Variants in RACGAP1 observed in about 807,000 individuals in gnomAD.
The protein encoded by RACGAP1 is Rac GTPase activating protein 1.
Under a neutral mutation model 78.1 loss-of-function variants are expected in RACGAP1, and 30 were observed. The ratio of observed to expected loss-of-function variants is 0.38; its 90% CI spans 0.29 to 0.52. The LOEUF (loss-of-function observed/expected upper bound fraction) is 0.52. Among genes scored for constraint, RACGAP1 ranks in the 20% least tolerant of loss-of-function variants. The pLI is 0.82. For synonymous variants in RACGAP1, 231 were observed against 264.8 expected (o/e 0.87, Z 1.24); for missense variants, 587 against 777.1 (o/e 0.76, Z 2.91).
At chr12:50,033,355 G>A (rs1233191913), upstream of RACGAP1, among the ~76,000 whole-genome samples, 1 of 152,116 alleles carries the variant, frequency 6.6e-6, no homozygotes, top group Non-Finnish European at 1.5e-5. Flanking sequence ...GGTCCAGGGA[G>A]GGAGGGCCCA....
chr12:50,018,447 C>A (rs1194961389), intron 1 of RACGAP1: 1 of 959,658 alleles, frequency 1.0e-6, no homozygotes, highest in East Asian at 6.3e-5. Flanking sequence ...AGCATTAAAA[C>A]CGGCAGGAAG....
In RACGAP1 at chr12:49,990,260, A is replaced by G. The variant is rs1220774905; in HGVS notation, c.*8T>C. On this transcript the variant is annotated 3_prime_UTR_variant, in exon 17 of 17. Coordinates refer to ENST00000312377, the MANE Select transcript of RACGAP1 (RefSeq NM_001319999.2). ...GTCAATGCTGGGAAGTAACAGGCAG[A>G]TGTGACTTCACTTGAGCATTGGAGA... 1 of 1,608,434 alleles carries G rather than the reference A, an allele frequency of 6.2e-7. No individual in the cohort carries two copies. The highest frequency in any genetic ancestry group is 1.1e-5 in the South Asian group (1 of 90,980).
chr12:49,999,113 A>G lies in RACGAP1; in HGVS notation c.879+28T>C, dbSNP rs531449517. On this transcript the variant is annotated intron_variant, in intron 9 of 16. Coordinates refer to ENST00000312377, the MANE Select transcript of RACGAP1 (RefSeq NM_001319999.2). ...TTATTACTTTCACAATTAAAAAATTAAAACACAAACAACAATCACAGATTT... is the reference window on the plus strand; with the variant it reads ...TTATTACTTTCACAATTAAAAAATTGAAACACAAACAACAATCACAGATTT... 2.6e-6 allele frequency: 4 copies of G among 1,562,004 alleles called. No individual in the cohort carries two copies. In the African/African-American group the frequency reaches 5.5e-5, roughly 22 times the overall value.
Position 49,989,496 on chromosome 12 carries a change from G to A in RACGAP1, c.*772C>T, listed in dbSNP as rs566098517. Reference sequence around the variant, plus strand: ...TAGAAGTTGGGCTCCACTGGACAAGGTTGGGGGTATGGGGGCCAAGCATCA... The same window carrying A: ...TAGAAGTTGGGCTCCACTGGACAAGATTGGGGGTATGGGGGCCAAGCATCA... On this transcript the variant is annotated 3_prime_UTR_variant, in exon 17 of 17. Coordinates refer to ENST00000312377, the MANE Select transcript of RACGAP1 (RefSeq NM_001319999.2). The A allele has an allele frequency of 2.0e-5, 3 of 152,162 alleles. No homozygotes were observed. Among genetic ancestry groups the A allele is most frequent in the Non-Finnish European group, 2.9e-5 (2 of 68,040 alleles). The allele number at this position is 152,162 out of a possible 1,614,324, so 9.4% of individuals were successfully genotyped here. A position where few individuals can be genotyped will look rare whatever the true frequency, so the allele number is the denominator to read the frequency against.
chr12:49,994,162 A>C lies in RACGAP1; in HGVS notation c.1308T>G (p.Phe436Leu). ...CTTCCATAAAGGCTCTGTTAAGGCG[A>C]AAGGTCAGAAGAGGTTCTTTGAGGT... ...LRNLKEPLLTFRLNRAFMEAA... is the reference protein window; with the variant it reads ...LRNLKEPLLTLRLNRAFMEAA... The change falls in exon 12 of 17, where the codon TTT (phenylalanine) becomes TTG (leucine). Residue 436 changes from phenylalanine (F) to leucine (L), a missense_variant. By Grantham distance (22) the Phe-to-Leu change is conservative. Coordinates refer to ENST00000312377, the MANE Select transcript of RACGAP1 (RefSeq NM_001319999.2). 1 of 1,613,346 alleles carries C rather than the reference A, an allele frequency of 6.2e-7. No individual in the cohort carries two copies. Among genetic ancestry groups the C allele is most frequent in the East Asian group, 2.2e-5 (1 of 44,890 alleles).
rs1948982921 is a variant in RACGAP1, at chr12:50,006,481, C to T, written c.241G>A (p.Val81Ile). The T allele has an allele frequency of 6.2e-7, 1 of 1,614,204 alleles. No homozygotes were observed. The highest frequency in any genetic ancestry group is 2.2e-5 in the East Asian group (1 of 44,890). Residue 81 changes from valine to isoleucine, a missense_variant, in exon 3 of 17, where the codon GTA (valine) becomes ATA (isoleucine). By Grantham distance (29) the Val-to-Ile change is conservative. Coordinates refer to ENST00000312377, the MANE Select transcript of RACGAP1 (RefSeq NM_001319999.2). ...KLKHARNQVD[V>I]EIKRRQRAEA... ...GCTCTCTGTCTCCGTTTGATCTCTA[C>T]ATCCACCTGATTACGTGCATGCTTC...
chr12:50,011,120 T>C (rs1949296592), intron 2 of RACGAP1, among the ~76,000 whole-genome samples: 1 of 151,852 alleles, frequency 6.6e-6, no homozygotes, highest in African/African-American at 2.4e-5. Flanking sequence ...GTGGATCACT[T>C]GAGGTCAGGA....
chr12:50,024,511 G>A (rs1376348504), intron 1 of RACGAP1, among the ~76,000 whole-genome samples: 3 of 152,154 alleles, frequency 2.0e-5, no homozygotes, highest in Non-Finnish European at 2.9e-5. Context: ...CAAAAGATGG[G>A]AAGGTGGAGG....
At chr12:50,026,706 G>A (rs1186151559), upstream of RACGAP1, among the ~76,000 whole-genome samples, 1 of 152,078 alleles carries the variant, frequency 6.6e-6, no homozygotes, top group Non-Finnish European at 1.5e-5. Context: ...TTTTATTTTA[G>A]AGACAGGGTC....
chr12:50,028,946 A>C (rs1950305082), upstream of RACGAP1, among the ~76,000 whole-genome samples: 1 of 151,508 alleles, frequency 6.6e-6, no homozygotes, highest in Non-Finnish European at 1.5e-5. Flanking sequence ...GGCCGGGCAC[A>C]GTGGCTCATG....
chr12:50,020,836 G>A (rs1949968792), intron 1 of RACGAP1, among the ~76,000 whole-genome samples: 1 of 152,160 alleles, frequency 6.6e-6, no homozygotes, highest in African/African-American at 2.4e-5. Context: ...TGCTTCTGAA[G>A]AGTTATTTTT....
intron 16 of RACGAP1, 103 bp from the exon 17 acceptor site, chr12:49,990,446 A>G (rs538588140): frequency 1.9e-6 from 2 of 1,074,622 alleles, no homozygotes; most frequent in African/African-American, 3.2e-5. Flanking sequence ...AGGAAACCCT[A>G]GACAACTATT....
chr12:50,014,228 AT>A (rs1669735049), intron 2 of RACGAP1, among the ~76,000 whole-genome samples: 1 of 152,264 alleles, frequency 6.6e-6, no homozygotes, highest in Non-Finnish European at 1.5e-5. Flanking sequence ...TAAATTAGGT[AT>A]TAATGAAAAT....
At chr12:50,021,363 G>A (rs1226563851) in intron 1 of RACGAP1, among the ~76,000 whole-genome samples, 4 of 152,226 alleles carry the variant, frequency 2.6e-5, no homozygotes, top group African/African-American at 7.2e-5. Flanking sequence ...AATCTCAGCT[G>A]TTATTGATGG....
At chr12:50,023,429 T>C (rs985635670) in intron 1 of RACGAP1, among the ~76,000 whole-genome samples, 3 of 152,200 alleles carry the variant, frequency 2.0e-5, no homozygotes, top group African/African-American at 7.2e-5. Context: ...ACTTAAGAAA[T>C]ACCTATTGAA....
At chr12:50,017,289 A>G (rs1358730255) in intron 1 of RACGAP1, among the ~76,000 whole-genome samples, 1 of 152,232 alleles carries the variant, frequency 6.6e-6, no homozygotes, top group African/African-American at 2.4e-5. Context: ...TCTGTAATAC[A>G]GGGCTCTCTG....
chr12:50,016,769 CAA>C, intron 1 of RACGAP1, 50 bp from the exon 2 acceptor site: 2 of 1,577,470 alleles, frequency 1.3e-6, no homozygotes, highest in South Asian at 1.1e-5. Flanking sequence ...TCGCCCACAA[CAA>C]AAGATTCTAT....
chr12:49,999,050 C>G (rs1020526611), intron 9 of RACGAP1, 91 bp downstream of exon 9: 11 of 1,393,074 alleles, frequency 7.9e-6, no homozygotes, highest in Non-Finnish European at 1.0e-5. Context: ...TGACATTTAA[C>G]TTTATAACAC....
chr12:49,991,046 A>G lies in RACGAP1; in HGVS notation c.1715-254T>C, dbSNP rs1947804554. ...CACAAATCTAACATCTAAACATCTGACTTTTAGCTATACTAGAAGAAGCAA... is the reference window on the plus strand; with the variant it reads ...CACAAATCTAACATCTAAACATCTGGCTTTTAGCTATACTAGAAGAAGCAA... On this transcript the variant is annotated intron_variant, in intron 15 of 16. Transcript: ENST00000312377. 2.6e-5 allele frequency among the ~76,000 whole-genome samples: 4 copies of G among 152,176 alleles called. No homozygotes were observed. The South Asian group carries it at 8.3e-4, about 32-fold the overall frequency.
Sources: gnomAD v4.1 joint callset for allele counts (sites outside exome capture counted in the v4.1 genomes callset) on GRCh38, gnomAD v4.1.1 for gene constraint, MANE v1.5 for transcripts, NCBI Gene and HGNC (gene_info 2026-07-23, HGNC 2026-07-21) for gene names.